Variants in WNK4 observed in about 807,000 individuals in gnomAD.
The protein encoded by WNK4 is serine/threonine-protein kinase WNK4.
Under a neutral mutation model 116.2 loss-of-function variants are expected in WNK4, and 94 were observed. That is an observed-to-expected ratio of 0.81 (90% CI 0.68 to 0.96). The LOEUF is 0.96. Among genes scored for constraint, WNK4 ranks in the 40% least tolerant of loss-of-function variants. The probability of loss-of-function intolerance (pLI) is 0.00; values close to 1 mark genes in which losing one functional copy is unlikely to be tolerated. For synonymous variants in WNK4, 655 were observed against 672.7 expected (o/e 0.97, Z 0.41); for missense variants, 1,542 against 1,650.6 (o/e 0.93, Z 1.14).
rs764710581 is a variant in WNK4, at chr17:42,787,857, G to T, written c.1821G>T (p.Gly607=). The T allele has an allele frequency of 6.2e-7, 1 of 1,611,962 alleles. No individual in the cohort carries two copies. Among genetic ancestry groups the T allele is most frequent in the Non-Finnish European group, 8.5e-7 (1 of 1,180,020 alleles). ...ACCCTGCCCTTCAGCCCCCTGGGGG[G>T]GTGCCATCCAGCCTGGCTGAGTCCC... is the stretch of plus-strand genomic sequence containing the variant. ...ASDPALQPPG[G]VPSSLAESHL... Residue 607 remains glycine (G), a synonymous_variant, in exon 8 of 19, where the codon GGG becomes GGT. Coordinates refer to ENST00000246914, the MANE Select transcript of WNK4 (RefSeq NM_032387.5).
intron 12 of WNK4, 41 bp from the exon 13 acceptor site, chr17:42,794,573 C>T (rs757121383): frequency 8.1e-6 from 13 of 1,611,660 alleles, no homozygotes; most frequent in South Asian, 7.7e-5. Context: ...TCTCAGACTG[C>T]TCTTCCCCAC....
Position 42,784,023 on chromosome 17 carries a change from C to T in WNK4, c.878C>T (p.Ser293Phe). The T allele has an allele frequency of 6.2e-7, 1 of 1,614,114 alleles. No individual in the cohort carries two copies. The highest frequency in any genetic ancestry group is 1.1e-5 in the South Asian group (1 of 91,086). Residue 293 changes from serine (S) to phenylalanine (F), a missense_variant, in exon 3 of 19, where the codon TCC (serine) becomes TTC (phenylalanine). Transcript: ENST00000246914. The surrounding 1 kb of genome is among the most constrained non-coding windows in gnomAD (Gnocchi z 4.4). ...CTGCGGGGACTTCATTTCCTACACT[C>T]CCGGGTTCCTCCCATCCTGCACCGG... ...QILRGLHFLH[S>F]RVPPILHRDL...
At chr17:42,783,868 C>G in intron 2 of WNK4, 69 bp from the exon 3 acceptor site, 1 of 1,475,866 alleles carries the variant, frequency 6.8e-7, no homozygotes, top group South Asian at 1.2e-5. Context: ...GGGGGAACTT[C>G]CCAGTGGGGG....
chr17:42,781,055 G>A lies in WNK4; in HGVS notation c.357G>A (p.Ala119=), dbSNP rs2143986042. 1 of 1,611,620 alleles carries A rather than the reference G, an allele frequency of 6.2e-7. No individual in the cohort carries two copies. The highest frequency in any genetic ancestry group is 8.5e-7 in the Non-Finnish European group (1 of 1,179,520). ...TWTEGAPVKA[A]EDSARPELPD... is the part of the protein sequence containing the mutation. ...CCGAGGGAGCCCCTGTGAAGGCTGCGGAAGACTCCGCGCGTCCCGAGCTCC... is the reference window on the plus strand; with the variant it reads ...CCGAGGGAGCCCCTGTGAAGGCTGCAGAAGACTCCGCGCGTCCCGAGCTCC... Residue 119 remains alanine, a synonymous_variant, in exon 1 of 19, where the codon GCG becomes GCA. Coordinates refer to ENST00000246914, the MANE Select transcript of WNK4 (RefSeq NM_032387.5).
rs964695300 is a variant in WNK4 at position 42,782,451 on chromosome 17, G to A, written c.619-307G>A. ...GGGTGCCCCCTCCCGCCCCATGGCC[G>A]GCCTGGGCAGCCACAAAGGCACTAT... On this transcript the variant is annotated intron_variant, in intron 1 of 18. Coordinates refer to ENST00000246914, the MANE Select transcript of WNK4 (RefSeq NM_032387.5). The surrounding 1 kb of genome is among the most constrained non-coding windows in gnomAD (Gnocchi z 4.2). Among the ~76,000 whole-genome samples, 2 of 152,214 alleles carry A rather than the reference G, an allele frequency of 1.3e-5. No homozygotes were observed. The highest frequency in any genetic ancestry group is 6.5e-5 in the Admixed American group (1 of 15,288).
intron 11 of WNK4, among the ~76,000 whole-genome samples, chr17:42,789,517 A>G (rs952744066): frequency 9.9e-5 from 15 of 151,946 alleles, no homozygotes; most frequent in African/African-American, 2.4e-4. Flanking sequence ...TACAAAAATT[A>G]GCTGGGTGTG....
intron 17 of WNK4, 79 bp from the exon 18 acceptor site, chr17:42,796,402 C>CT: frequency 6.2e-7 from 1 of 1,613,450 alleles, no homozygotes; most frequent in Non-Finnish European, 8.5e-7. Flanking sequence ...CCCTGGGGGT[C>CT]TGCCCCGGGG....
rs2054476339 is a variant in WNK4 at position 42,780,983 on chromosome 17, G to A, written c.285G>A (p.Ala95=). 1 of 1,610,202 alleles carries A rather than the reference G, an allele frequency of 6.2e-7. No homozygotes were observed. The highest frequency in any genetic ancestry group is 8.5e-7 in the Non-Finnish European group (1 of 1,179,410). Residue 95 remains alanine (A), a synonymous_variant, in exon 1 of 19, where the codon GCG becomes GCA. Coordinates refer to ENST00000246914, the MANE Select transcript of WNK4 (RefSeq NM_032387.5). Reference sequence around the variant, plus strand: ...CGGACTCCGCTGGTCCTGGCCCCGCGAGGAGCCCACCGCCTAGCTCCAAAG... The same window carrying A: ...CGGACTCCGCTGGTCCTGGCCCCGCAAGGAGCCCACCGCCTAGCTCCAAAG... ...DPPDSAGPGP[A]RSPPPSSKEP...
At chr17:42,792,611 C>T (rs918711510) in intron 11 of WNK4, among the ~76,000 whole-genome samples, 2 of 152,174 alleles carry the variant, frequency 1.3e-5, no homozygotes, top group Non-Finnish European at 2.9e-5. Context: ...TTACGTATTA[C>T]GGGCTGCCTT....
In WNK4 at chr17:42,785,097, G is replaced by A; in HGVS notation, c.1171G>A (p.Gly391Ser). 1 of 1,612,636 alleles carries A rather than the reference G, an allele frequency of 6.2e-7. No homozygotes were observed. Among genetic ancestry groups the A allele is most frequent in the East Asian group, 2.2e-5 (1 of 44,816 alleles). ...AGGTGTCATGCAACCCCTTCCCCAG[G>A]GCAGAAAGCCGAACAGCTTCCACAA... ...AAQIYRKVTS[G>S]RKPNSFHKVK... The change falls in exon 5 of 19, where the codon GGC becomes AGC. Residue 391 changes from glycine to serine, a missense_variant and splice_region_variant. Physicochemically the swap from Gly to Ser is moderately conservative, Grantham distance 56. Transcript: ENST00000246914.
chr17:42,791,880 G>A (rs1366113087), intron 11 of WNK4, among the ~76,000 whole-genome samples: 1 of 151,820 alleles, frequency 6.6e-6, no homozygotes, highest in Non-Finnish European at 1.5e-5. Context: ...GAACCCAGAA[G>A]GTGAGGTTGC....
intron 10 of WNK4, 38 bp downstream of exon 10, chr17:42,788,445 G>C: frequency 1.3e-6 from 2 of 1,597,606 alleles, no homozygotes; most frequent in Non-Finnish European, 1.7e-6. Context: ...GTAACCTACA[G>C]GGCCAGGAGG....
intron 6 of WNK4, among the ~76,000 whole-genome samples, chr17:42,785,789 T>G (rs2054542652): frequency 6.6e-6 from 1 of 152,188 alleles, no homozygotes; most frequent in African/African-American, 2.4e-5. Context: ...CTCCCCATTT[T>G]TCTTTTTCTT....
At position 42,795,481 on chromosome 17, in the gene WNK4, G is replaced by A; in HGVS notation, c.2982G>A (p.Arg994=). Residue 994 remains arginine (R), a synonymous_variant, in exon 15 of 19, where the codon CGG becomes CGA. Transcript: ENST00000246914. ...TCTAGGCCTCACCACCTCCTGCTCG[G>A]CCCCTCCCAGGGGAAGCCAGGCTGG... ...VESEASPPPA[R]PLPGEARLAP... is the part of the protein sequence containing the mutation. The A allele has an allele frequency of 6.2e-7, 1 of 1,614,148 alleles. No homozygotes were observed. The highest frequency in any genetic ancestry group is 8.5e-7 in the Non-Finnish European group (1 of 1,180,016).
chr17:42,788,695 T>C lies in WNK4; in HGVS notation c.2055T>C (p.Asn685=). Residue 685 remains asparagine (N), a synonymous_variant, in exon 11 of 19, where the codon AAT becomes AAC. Transcript: ENST00000246914. ...TGAATCTGAAGGTCTCAGACCAGAA[T>C]GACAGAGTGGTTGAGTGCCAGCTAC... is the stretch of plus-strand genomic sequence containing the variant. ...RLRVTSVSDQ[N]DRVVECQLQT... The C allele has an allele frequency of 6.2e-7, 1 of 1,614,028 alleles. No homozygotes were observed. Among genetic ancestry groups the C allele is most frequent in the East Asian group, 2.2e-5 (1 of 44,882 alleles).
rs761145984 is a variant in WNK4 at position 42,780,802 on chromosome 17, G to T, written c.104G>T (p.Arg35Leu). Reference sequence around the variant, plus strand: ...CCTCTTGGCACCGCGGGGCAGCCCCGCCTCGGGCCCCCTCCTCGCCGAGCG... The same window carrying T: ...CCTCTTGGCACCGCGGGGCAGCCCCTCCTCGGGCCCCCTCCTCGCCGAGCG... Reference protein sequence around the residue: ...PPPLGTAGQPRLGPPPRRARR... With the variant: ...PPPLGTAGQPLLGPPPRRARR... The change falls in exon 1 of 19, where the codon CGC becomes CTC. Residue 35 changes from arginine to leucine, a missense_variant. Physicochemically the swap from Arg to Leu is moderately radical, Grantham distance 102 (BLOSUM62 -2). This residue lies in a region of WNK4 where 243 missense variants were observed against 217.8 expected (regional missense o/e 1.12). Transcript: ENST00000246914. 10 of 1,602,992 alleles carry T rather than the reference G, an allele frequency of 6.2e-6. No homozygotes were observed. The highest frequency in any genetic ancestry group is 7.6e-6 in the Non-Finnish European group (9 of 1,178,228).
chr17:42,783,811 A>G (rs564817518), intron 2 of WNK4, 126 bp from the exon 3 acceptor site: 1 of 887,356 alleles, frequency 1.1e-6, no homozygotes, highest in Non-Finnish European at 1.8e-6. Flanking sequence ...GACATAGGCT[A>G]GGAGAATGCT....
intron 12 of WNK4, 28 bp downstream of exon 12, chr17:42,793,757 G>A (rs1395788613): frequency 6.2e-7 from 1 of 1,613,542 alleles, no homozygotes; most frequent in Non-Finnish European, 8.5e-7. Context: ...ACACTTCCAG[G>A]GGAAATGGAC....
intron 6 of WNK4, among the ~76,000 whole-genome samples, chr17:42,786,362 G>A (rs369031358): frequency 3.3e-5 from 5 of 152,316 alleles, no homozygotes; most frequent in Admixed American, 2.6e-4. Flanking sequence ...AGAAGCTTGG[G>A]GGCTGGCTTA....
Sources: gnomAD v4.1 joint callset for allele counts (sites outside exome capture counted in the v4.1 genomes callset) on GRCh38, gnomAD v4.1.1 for gene constraint, gnomAD v4.1.1 regional missense constraint, Gnocchi (gnomAD v3.1) non-coding constraint, MANE v1.5 for transcripts, NCBI Gene and HGNC (gene_info 2026-07-23, HGNC 2026-07-21) for gene names.